ARHGEF40: variants seen among roughly 807,000 people sequenced by gnomAD.
The protein encoded by ARHGEF40 is Rho guanine nucleotide exchange factor (GEF) 40.
In ARHGEF40, 98 loss-of-function variants were observed where a neutral mutation model predicts 165.9. That is an observed-to-expected ratio of 0.59 (90% CI 0.50 to 0.70). The LOEUF is 0.70. Ranked by LOEUF, ARHGEF40 falls within the 30% of genes least tolerant of loss-of-function variation. The pLI is 0.00. For synonymous variants in ARHGEF40, 792 were observed against 814.3 expected, an observed-to-expected ratio of 0.97 and a Z score of 0.47; for missense variants, 1,815 against 1,968.0, an observed-to-expected ratio of 0.92 and a Z score of 1.47.
In ARHGEF40 at chr14:21,077,411, G is replaced by A. The variant is rs189970422; in HGVS notation, c.2034+521G>A. On this transcript the variant is annotated intron_variant, in intron 8 of 23. Coordinates refer to ENST00000298694, the MANE Select transcript of ARHGEF40 (RefSeq NM_018071.5). ...TAAGATTACAGGCATGAGTGACTAT[G>A]CCCAGCCAAATAAATTCTTAATATG... is the stretch of plus-strand genomic sequence containing the variant. Among the ~76,000 whole-genome samples, 590 of 150,388 alleles carry A rather than the reference G, an allele frequency of 3.9e-3. 5 individuals are homozygous for A. The highest frequency in any genetic ancestry group is 0.014 in the African/African-American group (567 of 40,934).
At chr14:21,087,512 G>T (rs976734698) in intron 21 of ARHGEF40, 49 bp downstream of exon 21, 1 of 1,590,968 alleles carries the variant, frequency 6.3e-7, no homozygotes, top group Non-Finnish European at 8.5e-7. Flanking sequence ...TCATGGTGGT[G>T]ATGTTCAGGC....
intron 10 of ARHGEF40, 99 bp downstream of exon 10, chr14:21,078,587 C>A: frequency 2.4e-6 from 3 of 1,233,936 alleles, no homozygotes; most frequent in Non-Finnish European, 3.4e-6. Flanking sequence ...TCTTACTGTG[C>A]ATGTATCTGG....
Position 21,087,995 on chromosome 14 carries a change from A to T in ARHGEF40, c.4415A>T (p.Asp1472Val), listed in dbSNP as rs769961470. The T allele has an allele frequency of 3.1e-6, 5 of 1,613,962 alleles. No individual in the cohort carries two copies. In the Admixed American group the frequency reaches 5.0e-5, roughly 16 times the overall value. The change falls in exon 22 of 24, where the codon GAT (aspartate) becomes GTT (valine). Residue 1472 changes from aspartate (D) to valine (V), a missense_variant. By Grantham distance (152) the Asp-to-Val change is radical. Coordinates refer to ENST00000298694, the MANE Select transcript of ARHGEF40 (RefSeq NM_018071.5). Reference sequence around the variant, plus strand: ...CCAGAAACACTTGACTCTTCTGGAGATGTGTCCCCAGGACCAAGAAACAGC... The same window carrying T: ...CCAGAAACACTTGACTCTTCTGGAGTTGTGTCCCCAGGACCAAGAAACAGC... The part of the protein sequence containing the change: ...LAPETLDSSG[D>V]VSPGPRNSPS...
rs1181440207 is a variant in ARHGEF40 at position 21,078,381 on chromosome 14, G to A, written c.2139G>A (p.Val713=). Residue 713 remains valine (V), a synonymous_variant, in exon 10 of 24, where the codon GTG becomes GTA. Transcript: ENST00000298694. ...CTCCTCCCTATCCCCAGGAGGCAGT[G>A]GGAATGCCCAAGCCACTGCAGAAGG... ...GAAEPEEEEA[V]GMPKPLQKVL... 1 of 1,605,328 alleles carries A rather than the reference G, an allele frequency of 6.2e-7. No homozygotes were observed. Among genetic ancestry groups the A allele is most frequent in the African/African-American group, 1.3e-5 (1 of 74,842 alleles).
In ARHGEF40 at chr14:21,084,927, C is replaced by A; in HGVS notation, c.3960+4C>A. 1 of 1,613,208 alleles carries A rather than the reference C, an allele frequency of 6.2e-7. No individual in the cohort carries two copies. The highest frequency in any genetic ancestry group is 8.5e-7 in the Non-Finnish European group (1 of 1,179,660). On this transcript the variant is annotated splice_donor_region_variant and intron_variant, in intron 18 of 23. Coordinates refer to ENST00000298694, the MANE Select transcript of ARHGEF40 (RefSeq NM_018071.5). ...TGTTTACAAGCAGGCCTTTAAGGTA[C>A]GATTCCTGGAGTGAGTGGTGGAGGT...
chr14:21,082,365 G>T lies in ARHGEF40; in HGVS notation c.3373G>T (p.Ala1125Ser). The T allele has an allele frequency of 6.2e-7, 1 of 1,611,542 alleles. No homozygotes were observed. Reference protein sequence around the residue: ...LTPELRGTWAAALSARERLRS... With the variant: ...LTPELRGTWASALSARERLRS... The stretch of plus-strand genomic sequence containing the variant: ...GCCTGAACTTCGGGGCACCTGGGCT[G>T]CTGCCCTGAGTGCCCGGGAAAGGCT... Residue 1125 changes from alanine to serine, a missense_variant, in exon 15 of 24, where the codon GCT becomes TCT. By Grantham distance (99) the Ala-to-Ser change is moderately conservative. Coordinates refer to ENST00000298694, the MANE Select transcript of ARHGEF40 (RefSeq NM_018071.5).
chr14:21,068,191 G>C (rs1464905368), upstream of ARHGEF40, among the ~76,000 whole-genome samples: 5 of 24,994 alleles, frequency 2.0e-4, 1 homozygote, highest in African/African-American at 3.7e-4. Flanking sequence ...AGTAGAGACG[G>C]GGTTTCACCG....
rs957964726 is a variant in ARHGEF40, at chr14:21,072,765, G to C, written c.4-280G>C. 1.3e-5 allele frequency among the ~76,000 whole-genome samples: 2 copies of C among 152,136 alleles called. No homozygotes were observed. Among genetic ancestry groups the C allele is most frequent in the Non-Finnish European group, 2.9e-5 (2 of 68,024 alleles). On this transcript the variant is annotated intron_variant, in intron 1 of 23. Coordinates refer to ENST00000298694, the MANE Select transcript of ARHGEF40 (RefSeq NM_018071.5). The surrounding 1 kb of genome is among the most constrained non-coding windows in gnomAD (Gnocchi z 4.1). Reference sequence around the variant, plus strand: ...AATCACCCCAACTCACGAGCACCCGGAACAGCCCTGATCAGGGGCATTCAC... The same window carrying C: ...AATCACCCCAACTCACGAGCACCCGCAACAGCCCTGATCAGGGGCATTCAC...
At position 21,081,735 on chromosome 14, in the gene ARHGEF40, T is replaced by C; in HGVS notation, c.2867T>C (p.Val956Ala). The C allele has an allele frequency of 1.3e-6, 2 of 1,576,558 alleles. No homozygotes were observed. Among genetic ancestry groups the C allele is most frequent in the Non-Finnish European group, 1.7e-6 (2 of 1,161,234 alleles). The change falls in exon 14 of 24, where the codon GTG (valine) becomes GCG (alanine). Residue 956 changes from valine (V) to alanine (A), a missense_variant. Coordinates refer to ENST00000298694, the MANE Select transcript of ARHGEF40 (RefSeq NM_018071.5). Reference sequence around the variant, plus strand: ...CTAGAGAGGAGGATCCAGCAACACGTGGGAGAGGAGGCGAGCCCACGGGGC... The same window carrying C: ...CTAGAGAGGAGGATCCAGCAACACGCGGGAGAGGAGGCGAGCCCACGGGGC... ...QELERRIQQH[V>A]GEEASPRGYR...
Position 21,080,199 on chromosome 14 carries a change from GACACACACACACACACAC to G in ARHGEF40, c.2374-428_2374-411del, listed in dbSNP as rs71112543. ...GCCTCATATTAGGAAATTAAAGCCG[GACACACACACACACACAC>G]ACACACACACACACACACACACACA... On this transcript the variant is annotated intron_variant, in intron 11 of 23. Coordinates refer to ENST00000298694, the MANE Select transcript of ARHGEF40 (RefSeq NM_018071.5). 4.1e-3 allele frequency among the ~76,000 whole-genome samples: 551 copies of G among 135,410 alleles called. 6 individuals are homozygous for G. Among genetic ancestry groups the G allele is most frequent in the African/African-American group, 0.015 (519 of 35,768 alleles). The allele number at this position is 135,410 out of a possible 152,430, so 88.8% of individuals were successfully genotyped here.
rs377320500 is a variant in ARHGEF40 at position 21,074,796 on chromosome 14, AGAG to A, written c.1083_1085del (p.Gly362del). The A allele has an allele frequency of 2.2e-4, 359 of 1,607,030 alleles. 1 individual carries two copies. Among genetic ancestry groups the A allele is most frequent in the Admixed American group, 8.1e-4 (48 of 59,136 alleles). ...TTGCCCCCTGAGGCCAGGGGAGCTTAGAGGAGGAGGAGGAGGAGGCCAGGGGGC... is the reference window on the plus strand; with the variant it reads ...TTGCCCCCTGAGGCCAGGGGAGCTTAGAGGAGGAGGAGGAGGCCAGGGGGC... On this transcript the variant is annotated inframe_deletion, in exon 3 of 24. Coordinates refer to ENST00000298694, the MANE Select transcript of ARHGEF40 (RefSeq NM_018071.5). The surrounding 1 kb of genome is among the most constrained non-coding windows in gnomAD (Gnocchi z 4.8).
rs926559036 is a variant in ARHGEF40, at chr14:21,089,024, G to C, written c.*16G>C. On this transcript the variant is annotated 3_prime_UTR_variant, in exon 24 of 24. Transcript: ENST00000298694. ...TCTCCTGGCTTCTAGAGAAGATCCA[G>C]AACTTGCGTGCAGCTTCTCCTCTCA... 4 of 754,092 alleles carry C rather than the reference G, an allele frequency of 5.3e-6. No homozygotes were observed. In the African/African-American group the frequency reaches 5.3e-5, roughly 10 times the overall value. The allele number at this position is 754,092 out of a possible 1,614,324, so 46.7% of individuals were successfully genotyped here. A position where few individuals can be genotyped will look rare whatever the true frequency, so the allele number is the denominator to read the frequency against.
chr14:21,070,524 C>A lies in ARHGEF40; in HGVS notation c.3+125C>A. ...ACTGTTCGGCCCCTCTGGGACTCTC[C>A]TCCCTCCCATCCCCCCTTCTTCGAT... is the stretch of plus-strand genomic sequence containing the variant. On this transcript the variant is annotated intron_variant, in intron 1 of 23. Transcript: ENST00000298694. This position sits in a 1 kb window ranked among gnomAD's most constrained non-coding sequence, Gnocchi z 4.7. The A allele has an allele frequency of 1.7e-6, 2 of 1,178,828 alleles. No homozygotes were observed. The highest frequency in any genetic ancestry group is 2.3e-6 in the Non-Finnish European group (2 of 880,312). 73.0% of individuals were successfully genotyped at this position (1,178,828 alleles called of 1,614,324 possible).
chr14:21,070,846 T>C lies in ARHGEF40; in HGVS notation c.3+447T>C. The C allele has an allele frequency of 6.5e-7, 1 of 1,535,604 alleles. No individual in the cohort carries two copies. Among genetic ancestry groups the C allele is most frequent in the African/African-American group, 1.4e-5 (1 of 73,142 alleles). ...AACTGACCTGCATGGAACCACCATT[T>C]TCCATCCCTGTCCCCAACCCGGTGA... On this transcript the variant is annotated intron_variant, in intron 1 of 23. Coordinates refer to ENST00000298694, the MANE Select transcript of ARHGEF40 (RefSeq NM_018071.5). The surrounding 1 kb of genome is among the most constrained non-coding windows in gnomAD (Gnocchi z 4.7).
At position 21,072,531 on chromosome 14, in the gene ARHGEF40, C is replaced by G. The variant is rs1458744895; in HGVS notation, c.4-514C>G. ...ATCTCTAGCATATAAATGAGCATCT[C>G]TCTTTCACCAAATGATCATCTCTGG... On this transcript the variant is annotated intron_variant, in intron 1 of 23. Transcript: ENST00000298694. The surrounding 1 kb of genome is among the most constrained non-coding windows in gnomAD (Gnocchi z 4.1). Among the ~76,000 whole-genome samples, 1 of 152,088 alleles carries G rather than the reference C, an allele frequency of 6.6e-6. No homozygotes were observed. Among genetic ancestry groups the G allele is most frequent in the Non-Finnish European group, 1.5e-5 (1 of 67,984 alleles).
upstream of ARHGEF40, among the ~76,000 whole-genome samples, chr14:21,067,186 G>A (rs559983209): frequency 1.3e-5 from 2 of 152,168 alleles, no homozygotes; most frequent in East Asian, 1.9e-4. Context: ...ACCTTCCCCC[G>A]TATTAGGATA....
rs761865243 is a variant in ARHGEF40, at chr14:21,082,871, G to A, written c.3527G>A (p.Arg1176Gln). ...FSLYAQYVKH[R>Q]HKLENGLAAL... ...CTTTATGCACAGTACGTGAAGCACC[G>A]ACACAAACTGGAGAATGGTCTGGCT... Residue 1176 changes from arginine (R) to glutamine (Q), a missense_variant, in exon 16 of 24, where the codon CGA becomes CAA. Physicochemically the swap from Arg to Gln is conservative, Grantham distance 43. Transcript: ENST00000298694. 48 of 1,614,046 alleles carry A rather than the reference G, an allele frequency of 3.0e-5. No individual in the cohort carries two copies. Among genetic ancestry groups the A allele is most frequent in the Admixed American group, 1.5e-4 (9 of 60,008 alleles).
intron 8 of ARHGEF40, 32 bp from the exon 9 acceptor site, chr14:21,078,145 T>C: frequency 6.3e-7 from 1 of 1,585,078 alleles, no homozygotes. Flanking sequence ...TAAACTCTGA[T>C]CCTCAACTCC....
rs1886647835 is a variant in ARHGEF40, at chr14:21,070,484, C to T, written c.3+85C>T. 7.4e-6 allele frequency: 10 copies of T among 1,349,168 alleles called. No homozygotes were observed. Among genetic ancestry groups the T allele is most frequent in the African/African-American group, 4.5e-5 (3 of 66,554 alleles). The allele number at this position is 1,349,168 out of a possible 1,614,324, so 83.6% of individuals were successfully genotyped here. A position where few individuals can be genotyped will look rare whatever the true frequency, so the allele number is the denominator to read the frequency against. On this transcript the variant is annotated intron_variant, in intron 1 of 23. Transcript: ENST00000298694. The surrounding 1 kb of genome is among the most constrained non-coding windows in gnomAD (Gnocchi z 4.7). ...CCCCAAGTCCTCAGCCTGGTGCCTC[C>T]CGAGCCTGCCTCGGACTGTTCGGCC... is the stretch of plus-strand genomic sequence containing the variant.
Sources: allele counts gnomAD v4.1 joint callset (sites outside exome capture counted in the v4.1 genomes callset), GRCh38; gene constraint gnomAD v4.1.1; non-coding constraint Gnocchi (gnomAD v3.1); transcripts MANE v1.5; gene names NCBI Gene and HGNC (gene_info 2026-07-23, HGNC 2026-07-21).